Variants in CRB1 observed in about 807,000 individuals in gnomAD.
CRB1 encodes the protein crumbs cell polarity complex component 1.
A neutral mutation model predicts 120.0 loss-of-function variants in CRB1; 83 were observed. That is an observed-to-expected ratio of 0.69 (90% CI 0.58 to 0.83). The LOEUF is 0.83. CRB1 is among the 40% of genes least tolerant of loss of function. The probability of loss-of-function intolerance (pLI) is 0.00; values close to 1 mark genes in which losing one functional copy is unlikely to be tolerated. For synonymous variants in CRB1, 625 were observed against 612.5 expected, an observed-to-expected ratio of 1.02 and a Z score of -0.30; for missense variants, 1,699 against 1,687.6, an observed-to-expected ratio of 1.01 and a Z score of -0.12.
chr1:197,277,745 A>G (rs1027144789), intron 1 of CRB1, among the ~76,000 whole-genome samples: 2 of 151,938 alleles, frequency 1.3e-5, no homozygotes, highest in Non-Finnish European at 2.9e-5. Flanking sequence ...TCTGGCCCAC[A>G]ATTAGTTGTG....
chr1:197,376,356 ATTT>A lies in CRB1; in HGVS notation c.1171+19348_1171+19350del, dbSNP rs560228938. On this transcript the variant is annotated intron_variant, in intron 5 of 11. Coordinates refer to ENST00000367400, the MANE Select transcript of CRB1 (RefSeq NM_201253.3). ...TAACATAACCCAGGCAAAACTTTTT[ATTT>A]TTTTATCTTCATGAAACCCAAAAGA... 2.0e-5 allele frequency among the ~76,000 whole-genome samples: 3 copies of A among 152,272 alleles called. No individual in the cohort carries two copies. In the East Asian group the frequency reaches 5.8e-4, roughly 29 times the overall value.
intron 5 of CRB1, among the ~76,000 whole-genome samples, chr1:197,382,649 A>T (rs893916776): frequency 2.0e-5 from 3 of 152,200 alleles, no homozygotes; most frequent in African/African-American, 7.2e-5. Flanking sequence ...CAAAATAGAA[A>T]ATATGCCCAA....
intron 5 of CRB1, among the ~76,000 whole-genome samples, chr1:197,415,629 C>CT (rs1663945069): frequency 7.9e-6 from 1 of 126,712 alleles, no homozygotes; most frequent in Admixed American, 8.4e-5. Flanking sequence ...TTTTCTTTTT[C>CT]TTTTTTCTTT....
At chr1:197,371,391 A>C (rs1024120517) in intron 5 of CRB1, among the ~76,000 whole-genome samples, 25 of 152,120 alleles carry the variant, frequency 1.6e-4, no homozygotes, top group African/African-American at 5.8e-4. Flanking sequence ...GCACTAGATA[A>C]AAATCCTTCT....
chr1:197,451,944 C>T (rs1304928186), intron 11 of CRB1, among the ~76,000 whole-genome samples: 1 of 152,080 alleles, frequency 6.6e-6, no homozygotes, highest in Non-Finnish European at 1.5e-5. Flanking sequence ...GACATTTTGA[C>T]TGATAAAAAT....
chr1:197,300,420 T>G (rs1656797154), intron 1 of CRB1, among the ~76,000 whole-genome samples: 1 of 151,900 alleles, frequency 6.6e-6, no homozygotes. Flanking sequence ...AAAGTTTGAG[T>G]GGTCTGGATA....
upstream of CRB1, among the ~76,000 whole-genome samples, chr1:197,264,942 G>T (rs1654599918): frequency 6.6e-6 from 1 of 151,880 alleles, no homozygotes; most frequent in Non-Finnish European, 1.5e-5. Context: ...TGCATTCTTT[G>T]TTTAACATAT....
chr1:197,453,362 A>G (rs977368709), intron 11 of CRB1, among the ~76,000 whole-genome samples: 11 of 147,562 alleles, frequency 7.5e-5, no homozygotes, highest in South Asian at 2.1e-4. Flanking sequence ...AAATTAATAT[A>G]CATAATTAAA....
Position 197,425,269 on chromosome 1 carries a change from C to T in CRB1, c.2129-2185C>T, listed in dbSNP as rs543067713. Among the ~76,000 whole-genome samples, 19 of 152,246 alleles carry T rather than the reference C, an allele frequency of 1.2e-4. No individual in the cohort carries two copies. The South Asian group carries it at 1.7e-3, about 13-fold the overall frequency. On this transcript the variant is annotated intron_variant, in intron 6 of 11. Transcript: ENST00000367400. Reference sequence around the variant, plus strand: ...CTAACAGTACACTTTTGAAAGCTACCGGTAGTTGCCTGGAGCAGGTGGTCT... The same window carrying T: ...CTAACAGTACACTTTTGAAAGCTACTGGTAGTTGCCTGGAGCAGGTGGTCT...
intron 5 of CRB1, among the ~76,000 whole-genome samples, chr1:197,358,647 T>C (rs1558079823): frequency 2.0e-5 from 3 of 152,234 alleles, no homozygotes; most frequent in Non-Finnish European, 4.4e-5. Flanking sequence ...GGCTCCTCTA[T>C]GTTTTTCCCC....
At chr1:197,339,633 C>T (rs1219685119) in intron 2 of CRB1, among the ~76,000 whole-genome samples, 1 of 152,172 alleles carries the variant, frequency 6.6e-6, no homozygotes, top group East Asian at 1.9e-4. Flanking sequence ...TCCCTGCCCA[C>T]TGTAAAGAAT....
chr1:197,376,919 T>G (rs1274651201), intron 5 of CRB1, among the ~76,000 whole-genome samples: 1 of 152,202 alleles, frequency 6.6e-6, no homozygotes, highest in Non-Finnish European at 1.5e-5. Flanking sequence ...CTCTTCACTG[T>G]AGCTAGGCTG....
intron 5 of CRB1, among the ~76,000 whole-genome samples, chr1:197,395,337 AC>A (rs1418322438): frequency 1.3e-5 from 2 of 152,210 alleles, no homozygotes; most frequent in Admixed American, 1.3e-4. Flanking sequence ...ACTATTTGAA[AC>A]CCTGATATTT....
chr1:197,446,865 G>T (rs1665724836), intron 11 of CRB1, among the ~76,000 whole-genome samples: 4 of 151,994 alleles, frequency 2.6e-5, no homozygotes, highest in Admixed American at 2.0e-4. Flanking sequence ...AAGATCTGTT[G>T]GATATCTAAA....
intron 8 of CRB1, 41 bp downstream of exon 8, chr1:197,429,655 C>T (rs373409313): frequency 2.8e-5 from 45 of 1,598,048 alleles, no homozygotes; most frequent in South Asian, 1.8e-4. Context: ...AGTTAAGTTG[C>T]GACATTTGAG....
chr1:197,319,735 T>C (rs1558051116), intron 1 of CRB1, among the ~76,000 whole-genome samples: 2 of 152,100 alleles, frequency 1.3e-5, no homozygotes, highest in Non-Finnish European at 1.5e-5. Flanking sequence ...CATAGGAGGA[T>C]TTAGAAACAA....
At chr1:197,311,661 A>T (rs1444920860) in intron 1 of CRB1, among the ~76,000 whole-genome samples, 1 of 150,880 alleles carries the variant, frequency 6.6e-6, no homozygotes, top group Non-Finnish European at 1.5e-5. Flanking sequence ...GATTACCACA[A>T]TCAAGTTAGT....
the CRB1 span, among the ~76,000 whole-genome samples, chr1:197,228,514 A>G: frequency 0.86 from 131,330 of 152,132 alleles, 57,124 homozygotes; most frequent in East Asian, 1. Flanking sequence ...CCTCATCTCC[A>G]TCTGAGACCA....
At chr1:197,298,135 A>G (rs1214156082) in intron 1 of CRB1, among the ~76,000 whole-genome samples, 2 of 152,128 alleles carry the variant, frequency 1.3e-5, no homozygotes, top group Non-Finnish European at 2.9e-5. Context: ...CTTTTGTTCT[A>G]TTTTTAGCAA....
Sources: allele counts gnomAD v4.1 joint callset (sites outside exome capture counted in the v4.1 genomes callset), GRCh38; gene constraint gnomAD v4.1.1; transcripts MANE v1.5; gene names NCBI Gene and HGNC (gene_info 2026-07-23, HGNC 2026-07-21).